MAGEC3: variants seen among roughly 807,000 people sequenced by gnomAD.
MAGEC3 encodes the protein MAGE family member C3, also known as melanoma-associated antigen C3.
MAGEC3 carries 34 observed loss-of-function variants against 35.3 expected under a neutral mutation model. The ratio of observed to expected loss-of-function variants is 0.96; its 90% CI spans 0.73 to 1.28. The LOEUF (loss-of-function observed/expected upper bound fraction) is 1.28. Among genes scored for constraint, MAGEC3 ranks in the 50% most tolerant of loss-of-function variants. The probability of loss-of-function intolerance (pLI) is 0.00; values close to 1 mark genes in which losing one functional copy is unlikely to be tolerated. For synonymous variants in MAGEC3, 202 were observed against 185.6 expected, an observed-to-expected ratio of 1.09 and a Z score of -0.72; for missense variants, 561 against 483.6, an observed-to-expected ratio of 1.16 and a Z score of -1.50.
chrX:141,846,695 C>T (rs1015650841), intron 1 of MAGEC3, among the ~76,000 whole-genome samples: 3 of 111,222 alleles, frequency 2.7e-5, no homozygotes, highest in Non-Finnish European at 5.7e-5. Context: ...ATCTCAACAA[C>T]ACAATATCTT....
At position 141,895,575 on chromosome X, in the gene MAGEC3, G is replaced by A. The variant is rs777569047; in HGVS notation, c.1123+16G>A. ...AAGGGAGGAGGTGCCAGCCCTCTAG[G>A]GAATAAATAGGAAGACATTGAGGAG... On this transcript the variant is annotated intron_variant, in intron 6 of 7. Transcript: ENST00000298296. 16 of 1,180,663 alleles carry A rather than the reference G, an allele frequency of 1.4e-5. No homozygotes were observed. The Admixed American group carries it at 2.6e-4, about 19-fold the overall frequency.
intron 4 of MAGEC3, 54 bp from the exon 5 acceptor site, chrX:141,895,215 G>A: frequency 2.6e-6 from 3 of 1,148,959 alleles, no homozygotes; most frequent in Non-Finnish European, 3.5e-6. Flanking sequence ...GGAGAGGTGG[G>A]GGGTGGTTTT....
Position 141,872,063 on chromosome X carries a change from T to C in MAGEC3, c.258+6458T>C, listed in dbSNP as rs760985723. ...ATTTTTATTAAGAAGAAGGATTTTATGAGGGGTGAAAGCTTGACATAGGGA... is the reference window on the plus strand; with the variant it reads ...ATTTTTATTAAGAAGAAGGATTTTACGAGGGGTGAAAGCTTGACATAGGGA... On this transcript the variant is annotated intron_variant, in intron 2 of 7. Coordinates refer to ENST00000298296, the MANE Select transcript of MAGEC3 (RefSeq NM_138702.1). 8.3e-4 allele frequency among the ~76,000 whole-genome samples: 91 copies of C among 109,860 alleles called. 1 individual carries two copies. The highest frequency in any genetic ancestry group is 6.8e-4 in the Admixed American group (7 of 10,302).
chrX:141,869,716 G>T lies in MAGEC3; in HGVS notation c.258+4111G>T, dbSNP rs184068511. ...AATTAAAAGAAAATAACGATTGTCT[G>T]TAAATAACAAAATGTCTAGTTTGGA... is the stretch of plus-strand genomic sequence containing the variant. On this transcript the variant is annotated intron_variant, in intron 2 of 7. Transcript: ENST00000298296. Among the ~76,000 whole-genome samples the T allele has an allele frequency of 2.1e-4, 24 of 111,991 alleles. No homozygotes were observed. In the East Asian group the frequency reaches 6.8e-3, roughly 32 times the overall value.
chrX:141,846,628 T>C (rs1365010178), intron 1 of MAGEC3, among the ~76,000 whole-genome samples: 1 of 111,345 alleles, frequency 9.0e-6, no homozygotes, highest in Non-Finnish European at 1.9e-5. Flanking sequence ...GTAACAAAAC[T>C]AATTATATCT....
rs1321996056 is a variant in MAGEC3 at position 141,897,338 on chromosome X, A to G, written c.1580A>G (p.Asp527Gly). Reference sequence around the variant, plus strand: ...GACAACCACTCCTATTTCTTTGAAGACACATTAGACCTCACCTATGAGGGA... The same window carrying G: ...GACAACCACTCCTATTTCTTTGAAGGCACATTAGACCTCACCTATGAGGGA... ...DPDNHSYFFE[D>G]TLDLTYEGSL... is the part of the protein sequence containing the mutation. The change falls in exon 7 of 8, where the codon GAC becomes GGC. Residue 527 changes from aspartate (D) to glycine (G), a missense_variant. Asp to Gly is a moderately conservative substitution (Grantham distance 94). Transcript: ENST00000298296. 2 of 1,210,216 alleles carry G rather than the reference A, an allele frequency of 1.7e-6. No homozygotes were observed. The highest frequency in any genetic ancestry group is 3.0e-5 in the East Asian group (1 of 33,741).
chrX:141,853,145 T>C (rs1456108314), intron 1 of MAGEC3, among the ~76,000 whole-genome samples: 3 of 111,257 alleles, frequency 2.7e-5, no homozygotes, highest in Non-Finnish European at 3.8e-5. Flanking sequence ...ACCCTTGTGG[T>C]ATGTGGTATG....
chrX:141,878,477 G>T (rs1174114985), intron 2 of MAGEC3, among the ~76,000 whole-genome samples: 1 of 112,808 alleles, frequency 8.9e-6, no homozygotes, highest in Non-Finnish European at 1.9e-5. Flanking sequence ...ACAAAGAGAA[G>T]GATCCACAGA....
chrX:141,881,533 A>C lies in MAGEC3; in HGVS notation c.646A>C (p.Asn216His). 1 of 1,211,765 alleles carries C rather than the reference A, an allele frequency of 8.3e-7. No individual in the cohort carries two copies. Among genetic ancestry groups the C allele is most frequent in the Non-Finnish European group, 1.1e-6 (1 of 895,458 alleles). ...AGCAGAGATGCAGATGAATGTCATC[A>C]ACACATACACGGGCTACTTTCCTAT... Reference protein sequence around the residue: ...TRAEMQMNVINTYTGYFPMIF... With the variant: ...TRAEMQMNVIHTYTGYFPMIF... The change falls in exon 4 of 8, where the codon AAC becomes CAC. Residue 216 changes from asparagine (N) to histidine (H), a missense_variant. Coordinates refer to ENST00000298296, the MANE Select transcript of MAGEC3 (RefSeq NM_138702.1).
chrX:141,858,633 A>G (rs1446884607), intron 1 of MAGEC3, among the ~76,000 whole-genome samples: 1 of 110,980 alleles, frequency 9.0e-6, no homozygotes, highest in African/African-American at 3.3e-5. Flanking sequence ...CTCCCAACTT[A>G]GCATCTGCCT....
chrX:141,876,229 C>T (rs755121936), intron 2 of MAGEC3, among the ~76,000 whole-genome samples: 22 of 112,045 alleles, frequency 2.0e-4, no homozygotes, highest in Non-Finnish European at 5.6e-5. Flanking sequence ...ATCAACACAA[C>T]ATCCCCCATT....
intron 4 of MAGEC3, 124 bp from the exon 5 acceptor site, chrX:141,895,145 C>A: frequency 1.3e-6 from 1 of 796,982 alleles, no homozygotes; most frequent in Non-Finnish European, 1.8e-6. Flanking sequence ...TCGGGGGGCG[C>A]TGAGGAGGGC....
rs1201655387 is a variant in MAGEC3 at position 141,892,645 on chromosome X, T to G, written c.910-2624T>G. Among the ~76,000 whole-genome samples, 9 of 111,373 alleles carry G rather than the reference T, an allele frequency of 8.1e-5. No individual in the cohort carries two copies. The East Asian group carries it at 2.5e-3, about 31-fold the overall frequency. Reference sequence around the variant, plus strand: ...AATGATTCATTTATTCACAAACACATTTTATCAGAGTTTTAAATGTTTGTC... The same window carrying G: ...AATGATTCATTTATTCACAAACACAGTTTATCAGAGTTTTAAATGTTTGTC... On this transcript the variant is annotated intron_variant, in intron 4 of 7. Transcript: ENST00000298296.
At chrX:141,895,168 A>T in intron 4 of MAGEC3, 101 bp from the exon 5 acceptor site, 1 of 898,306 alleles carries the variant, frequency 1.1e-6, no homozygotes, top group Non-Finnish European at 1.5e-6. Context: ...GAAGAAGTGG[A>T]GTGCGGGGAA....
rs183378198 is a variant in MAGEC3, at chrX:141,864,778, A to T, written c.124-693A>T. 1.8e-3 allele frequency among the ~76,000 whole-genome samples: 202 copies of T among 111,804 alleles called. 1 individual carries two copies. The highest frequency in any genetic ancestry group is 6.3e-3 in the African/African-American group (193 of 30,750). ...GCACATGTGCTCCTGAACTTAAAAT[A>T]AATTTAAAAAAAAGAAGTCTGGGGG... On this transcript the variant is annotated intron_variant, in intron 1 of 7. Transcript: ENST00000298296.
intron 2 of MAGEC3, 116 bp downstream of exon 2, chrX:141,865,721 G>A (rs1443070965): frequency 1.2e-6 from 1 of 821,310 alleles, no homozygotes; most frequent in African/African-American, 2.1e-5. Flanking sequence ...CCCCAGTTTT[G>A]ATGTCCGTAG....
intron 1 of MAGEC3, among the ~76,000 whole-genome samples, chrX:141,864,233 G>A (rs139333322): frequency 0.021 from 2,195 of 105,674 alleles, 16 homozygotes; most frequent in Middle Eastern, 0.044. Flanking sequence ...TAATCCCAGT[G>A]CTCTGGGTAG....
chrX:141,889,578 A>C (rs957364378), intron 4 of MAGEC3, among the ~76,000 whole-genome samples: 3 of 112,319 alleles, frequency 2.7e-5, no homozygotes, highest in African/African-American at 9.7e-5. Context: ...CGGGCTATCA[A>C]GATGAAATCA....
At chrX:141,872,706 G>A (rs1209456790) in intron 2 of MAGEC3, among the ~76,000 whole-genome samples, 1 of 111,504 alleles carries the variant, frequency 9.0e-6, no homozygotes, top group East Asian at 2.8e-4. Context: ...AAAGACGGAG[G>A]AAGAAGGAAG....
Sources: gnomAD v4.1 joint callset for allele counts (sites outside exome capture counted in the v4.1 genomes callset) on GRCh38, gnomAD v4.1.1 for gene constraint, MANE v1.5 for transcripts, NCBI Gene and HGNC (gene_info 2026-07-23, HGNC 2026-07-21) for gene names.